AIG1: variants seen among roughly 807,000 people sequenced by gnomAD.
AIG1 encodes the protein androgen induced 1.
In AIG1, 23 loss-of-function variants were observed where a neutral mutation model predicts 31.4. The observed-to-expected ratio is 0.73, with a 90% confidence interval of 0.53 to 1.04. The LOEUF is 1.04. AIG1 is among the 50% of genes least tolerant of loss of function. AIG1 has a pLI of 0.00. For missense variants in AIG1, 274 were observed against 295.0 expected, an observed-to-expected ratio of 0.93 and a Z score of 0.52; for synonymous variants, 100 against 110.5, an observed-to-expected ratio of 0.90 and a Z score of 0.60.
chr6:143,281,638 G>A (rs998245347), intron 3 of AIG1, among the ~76,000 whole-genome samples: 1 of 152,134 alleles, frequency 6.6e-6, no homozygotes, highest in Non-Finnish European at 1.5e-5. Flanking sequence ...CAAAACTTTA[G>A]TTATCTGTAA....
At chr6:143,252,631 G>A (rs556069896) in intron 3 of AIG1, among the ~76,000 whole-genome samples, 2 of 152,222 alleles carry the variant, frequency 1.3e-5, no homozygotes, top group Admixed American at 6.5e-5. Flanking sequence ...GAACATGTAT[G>A]AGTAAGGTCA....
intron 1 of AIG1, among the ~76,000 whole-genome samples, chr6:143,084,463 A>G (rs1778581480): frequency 1.3e-5 from 2 of 152,168 alleles, no homozygotes; most frequent in South Asian, 4.1e-4. Flanking sequence ...GGCCATGACT[A>G]AAGCGGTGGC....
chr6:143,269,222 C>A (rs1159124492), intron 3 of AIG1, among the ~76,000 whole-genome samples: 1 of 152,234 alleles, frequency 6.6e-6, no homozygotes, highest in African/African-American at 2.4e-5. Flanking sequence ...GTAGGACAAT[C>A]TGGATGGCTT....
chr6:143,340,891 G>C lies in AIG1; in HGVS notation c.*1215G>C, dbSNP rs1048971950. Among the ~76,000 whole-genome samples, 1 of 151,740 alleles carries C rather than the reference G, an allele frequency of 6.6e-6. No homozygotes were observed. On this transcript the variant is annotated 3_prime_UTR_variant, in exon 6 of 6. Transcript: ENST00000357847. Reference sequence around the variant, plus strand: ...ATAAGTATTGATTGCCCAATGTTGAGAGAGATCAACAAATGATATAAAACC... The same window carrying C: ...ATAAGTATTGATTGCCCAATGTTGACAGAGATCAACAAATGATATAAAACC...
At chr6:143,223,645 C>G (rs7740600) in intron 3 of AIG1, among the ~76,000 whole-genome samples, 21,417 of 152,054 alleles carry the variant, frequency 0.14, 2,018 homozygotes, top group African/African-American at 0.28. Context: ...TGAAAATGCA[C>G]TGCAATTTGG....
At chr6:143,090,372 A>G (rs190692205) in intron 1 of AIG1, among the ~76,000 whole-genome samples, 2 of 152,334 alleles carry the variant, frequency 1.3e-5, no homozygotes, top group African/African-American at 4.8e-5. Flanking sequence ...ATATAAAAAG[A>G]TAAGTATGAA....
intron 2 of AIG1, among the ~76,000 whole-genome samples, chr6:143,147,829 A>G (rs1475719248): frequency 2.0e-5 from 3 of 152,118 alleles, no homozygotes; most frequent in Admixed American, 2.0e-4. Context: ...AAAACCTACA[A>G]ACAACCCAAG....
rs548360949 is a variant in AIG1 at position 143,280,053 on chromosome 6, A to T, written c.400-4057A>T. Among the ~76,000 whole-genome samples, 12 of 152,364 alleles carry T rather than the reference A, an allele frequency of 7.9e-5. No individual in the cohort carries two copies. Among genetic ancestry groups the T allele is most frequent in the African/African-American group, 2.6e-4 (11 of 41,580 alleles). On this transcript the variant is annotated intron_variant, in intron 3 of 5. Coordinates refer to ENST00000357847, the MANE Select transcript of AIG1 (RefSeq NM_016108.4). This position sits in a 1 kb window ranked among gnomAD's most constrained non-coding sequence, Gnocchi z 4.1. ...GAGCTAAGAGCCACCTTTGGTGACT[A>T]GACTTTGTAACCATCTCATTTATCC... is the stretch of plus-strand genomic sequence containing the variant.
At chr6:143,176,742 G>A (rs1788206613) in intron 3 of AIG1, among the ~76,000 whole-genome samples, 1 of 152,244 alleles carries the variant, frequency 6.6e-6, no homozygotes, top group Admixed American at 6.5e-5. Flanking sequence ...TTTATTTCCA[G>A]GCAGCTGGTG....
At position 143,165,148 on chromosome 6, in the gene AIG1, G is replaced by T. The variant is rs1316310371; in HGVS notation, c.364G>T (p.Asp122Tyr). 6.2e-7 allele frequency: 1 copy of T among 1,613,484 alleles called. No individual in the cohort carries two copies. Among genetic ancestry groups the T allele is most frequent in the Non-Finnish European group, 8.5e-7 (1 of 1,179,632 alleles). The change falls in exon 3 of 6, where the codon GAT (aspartate) becomes TAT (tyrosine). Residue 122 changes from aspartate (D) to tyrosine (Y), a missense_variant. This residue lies in a region of AIG1 where 243 missense variants were observed against 238.5 expected (regional missense o/e 1.02). Coordinates refer to ENST00000357847, the MANE Select transcript of AIG1 (RefSeq NM_016108.4). Reference sequence around the variant, plus strand: ...AGAGATGATATACCCGAAGCTGCTGGATAATTTTATCCCAGGGTGGCTGAA... The same window carrying T: ...AGAGATGATATACCCGAAGCTGCTGTATAATTTTATCCCAGGGTGGCTGAA... ...DREMIYPKLL[D>Y]NFIPGWLNHG...
Position 143,305,142 on chromosome 6 carries a change from A to G in AIG1, c.515+20917A>G, listed in dbSNP as rs1799165447. On this transcript the variant is annotated intron_variant, in intron 4 of 5. Coordinates refer to ENST00000357847, the MANE Select transcript of AIG1 (RefSeq NM_016108.4). ...TTTCTTCTTTATTAGTCTTGCTAGCAGTCTATCAATTTTGTTGATCCTTTC... is the reference window on the plus strand; with the variant it reads ...TTTCTTCTTTATTAGTCTTGCTAGCGGTCTATCAATTTTGTTGATCCTTTC... Among the ~76,000 whole-genome samples, 3 of 152,004 alleles carry G rather than the reference A, an allele frequency of 2.0e-5. No individual in the cohort carries two copies. In the South Asian group the frequency reaches 6.2e-4, roughly 32 times the overall value.
At chr6:143,260,118 G>T (rs555955441) in intron 3 of AIG1, among the ~76,000 whole-genome samples, 9 of 149,748 alleles carry the variant, frequency 6.0e-5, no homozygotes, top group South Asian at 4.2e-4. Flanking sequence ...CCGCCTCCTG[G>T]ATTCACAGCA....
chr6:143,265,103 T>C (rs907562082), intron 3 of AIG1, among the ~76,000 whole-genome samples: 1 of 152,232 alleles, frequency 6.6e-6, no homozygotes, highest in African/African-American at 2.4e-5. Context: ...TCTCATTACT[T>C]GTTATCATCC....
chr6:143,179,689 T>G (rs572196005), intron 3 of AIG1, among the ~76,000 whole-genome samples: 78 of 152,296 alleles, frequency 5.1e-4, no homozygotes, highest in Middle Eastern at 3.4e-3. Context: ...AGAATTTATT[T>G]GAAGAGGAGA....
chr6:143,268,136 G>A lies in AIG1; in HGVS notation c.400-15974G>A, dbSNP rs1025360407. Among the ~76,000 whole-genome samples, 9 of 152,076 alleles carry A rather than the reference G, an allele frequency of 5.9e-5. No homozygotes were observed. Among genetic ancestry groups the A allele is most frequent in the African/African-American group, 2.2e-4 (9 of 41,404 alleles). ...GATTATGACTTGATATATAAAGTTTGGGAAATAAAGCCATTTAAAATATTG... is the reference window on the plus strand; with the variant it reads ...GATTATGACTTGATATATAAAGTTTAGGAAATAAAGCCATTTAAAATATTG... On this transcript the variant is annotated intron_variant, in intron 3 of 5. Coordinates refer to ENST00000357847, the MANE Select transcript of AIG1 (RefSeq NM_016108.4). This position sits in a 1 kb window ranked among gnomAD's most constrained non-coding sequence, Gnocchi z 5.0.
intron 2 of AIG1, among the ~76,000 whole-genome samples, chr6:143,150,284 T>A (rs576748164): frequency 6.6e-6 from 1 of 152,272 alleles, no homozygotes; most frequent in Non-Finnish European, 1.5e-5. Context: ...CTTCTATATT[T>A]TGGTGTAAGA....
intron 1 of AIG1, among the ~76,000 whole-genome samples, chr6:143,109,489 A>C (rs1190174710): frequency 1.3e-5 from 2 of 152,228 alleles, no homozygotes; most frequent in African/African-American, 4.8e-5. Context: ...AGTGTTTAAA[A>C]GTTCCAGTTA....
At chr6:143,265,426 G>GGCTGCT (rs1796088976) in intron 3 of AIG1, among the ~76,000 whole-genome samples, 1 of 152,092 alleles carries the variant, frequency 6.6e-6, no homozygotes, top group Non-Finnish European at 1.5e-5. Context: ...CTTGATCCCT[G>GGCTGCT]GCTGCTGCTG....
At chr6:143,197,549 AATAT>A (rs1790352376) in intron 3 of AIG1, among the ~76,000 whole-genome samples, 1 of 152,162 alleles carries the variant, frequency 6.6e-6, no homozygotes, top group African/African-American at 2.4e-5. Context: ...ACTCAACCAG[AATAT>A]ATTTTTCAGC....
Sources: gnomAD v4.1 joint callset for allele counts (sites outside exome capture counted in the v4.1 genomes callset) on GRCh38, gnomAD v4.1.1 for gene constraint, gnomAD v4.1.1 regional missense constraint, Gnocchi (gnomAD v3.1) non-coding constraint, MANE v1.5 for transcripts, NCBI Gene and HGNC (gene_info 2026-07-23, HGNC 2026-07-21) for gene names.